The following KMT2B variants were observed in gnomAD, a reference collection of about 807,000 sequenced individuals.
KMT2B encodes the protein histone-lysine N-methyltransferase 2B.
A neutral mutation model predicts 255.3 loss-of-function variants in KMT2B; 22 were observed. The ratio of observed to expected loss-of-function variants is 0.09; its 90% CI spans 0.06 to 0.12. The LOEUF is 0.12. KMT2B is among the 10% of genes least tolerant of loss of function. The pLI is 1.00. For synonymous variants in KMT2B, 1,730 were observed against 1,498.1 expected (o/e 1.15, Z -3.57); for missense variants, 3,149 against 3,737.0 (o/e 0.84, Z 4.10).
In KMT2B at chr19:35,728,132, A is replaced by G. The variant is rs1476300495; in HGVS notation, c.4532A>G (p.His1511Arg). The change falls in exon 19 of 37, where the codon CAC (histidine) becomes CGC (arginine). Residue 1511 changes from histidine to arginine, a missense_variant. His to Arg is a conservative substitution (Grantham distance 29). Around this residue, in one of 18 missense-constraint regions of KMT2B, gnomAD observed 377 missense variants for 471.0 expected, o/e 0.80. Transcript: ENST00000420124. ...TCTGCGTTCGGCTGGTTCGACGCCC[A>G]CGACCCCAAGTACTGGCGACGGAGT... is the stretch of plus-strand genomic sequence containing the variant. ...LESAFGWFDA[H>R]DPKYWRRSTR... 6.2e-7 allele frequency: 1 copy of G among 1,600,876 alleles called. No individual in the cohort carries two copies. The highest frequency in any genetic ancestry group is 8.5e-7 in the Non-Finnish European group (1 of 1,174,328).
chr19:35,722,754 G>A, intron 5 of KMT2B, 36 bp downstream of exon 5: 1 of 1,550,210 alleles, frequency 6.5e-7, no homozygotes, highest in Non-Finnish European at 8.7e-7. Context: ...GTCAGGTTTG[G>A]GGATGACCCC....
In KMT2B at chr19:35,727,878, C is replaced by T. The variant is rs1344690803; in HGVS notation, c.4393-3C>T. 1.9e-6 allele frequency: 3 copies of T among 1,608,978 alleles called. No homozygotes were observed. Among genetic ancestry groups the T allele is most frequent in the Admixed American group, 1.7e-5 (1 of 59,642 alleles). The stretch of plus-strand genomic sequence containing the variant: ...ACTCAGTCTCTGACAAACCCCCTTA[C>T]AGCACAGCTTCATGGAGGACATGGT... On this transcript the variant is annotated splice_polypyrimidine_tract_variant and splice_region_variant and intron_variant, in intron 17 of 36. Coordinates refer to ENST00000420124, the MANE Select transcript of KMT2B (RefSeq NM_014727.3). The surrounding 1 kb of genome is among the most constrained non-coding windows in gnomAD (Gnocchi z 4.2).
chr19:35,721,658 C>T lies in KMT2B; in HGVS notation c.2311C>T (p.Pro771Ser), dbSNP rs531978572. 24 of 1,613,312 alleles carry T rather than the reference C, an allele frequency of 1.5e-5. No homozygotes were observed. The East Asian group carries it at 5.1e-4, about 34-fold the overall frequency. ...ACCGCCGTCACCACAGCAGATGCCTCCCCTGGAAAAAGCCCGGATTGCGGG... is the reference window on the plus strand; with the variant it reads ...ACCGCCGTCACCACAGCAGATGCCTTCCCTGGAAAAAGCCCGGATTGCGGG... Reference protein sequence around the residue: ...QPPPSPQQMPPLEKARIAGVG... With the variant: ...QPPPSPQQMPSLEKARIAGVG... The change falls in exon 3 of 37, where the codon CCC becomes TCC. Residue 771 changes from proline to serine, a missense_variant. Physicochemically the swap from Pro to Ser is moderately conservative, Grantham distance 74. This residue lies in a region of KMT2B where 1,188 missense variants were observed against 1,106.4 expected (regional missense o/e 1.07). Transcript: ENST00000420124.
chr19:35,726,674 C>T (rs1174335066), intron 14 of KMT2B, among the ~76,000 whole-genome samples: 1 of 152,118 alleles, frequency 6.6e-6, no homozygotes, highest in Non-Finnish European at 1.5e-5. Flanking sequence ...CTGTGTTCTG[C>T]AGAGTCTGAA....
chr19:35,724,545 G>GACTAACCAAGTTA, intron 8 of KMT2B, 92 bp from the exon 9 acceptor site: 2 of 1,096,610 alleles, frequency 1.8e-6, no homozygotes, highest in South Asian at 2.7e-5. Flanking sequence ...GTTAGTTAAA[G>GACTAACCAAGTTA]AAGGCCCTGG....
intron 26 of KMT2B, 46 bp from the exon 27 acceptor site, chr19:35,731,862 T>C: frequency 7.0e-7 from 1 of 1,431,910 alleles, no homozygotes; most frequent in Non-Finnish European, 9.8e-7. Flanking sequence ...GGGCAGGCTT[T>C]GACACAGAGC....
In KMT2B at chr19:35,738,440, G is replaced by A. The variant is rs1970006137; in HGVS notation, c.8031G>A (p.Leu2677=). 6.2e-7 allele frequency: 1 copy of A among 1,614,104 alleles called. No homozygotes were observed. Among genetic ancestry groups the A allele is most frequent in the East Asian group, 2.2e-5 (1 of 44,888 alleles). Reference sequence around the variant, plus strand: ...AGAAACACATTGTTATCTTCGCCCTGCGCCGCATCCTGCGTGGTGAGGAGC... The same window carrying A: ...AGAAACACATTGTTATCTTCGCCCTACGCCGCATCCTGCGTGGTGAGGAGC... The part of the protein sequence containing the change: ...EGQKHIVIFA[L]RRILRGEELT... Residue 2677 remains leucine (L), a synonymous_variant, in exon 37 of 37, where the codon CTG becomes CTA. Coordinates refer to ENST00000420124, the MANE Select transcript of KMT2B (RefSeq NM_014727.3). This position sits in a 1 kb window ranked among gnomAD's most constrained non-coding sequence, Gnocchi z 8.7.
chr19:35,725,106 C>T lies in KMT2B; in HGVS notation c.3528+19C>T, dbSNP rs370294360. The T allele has an allele frequency of 8.1e-6, 13 of 1,596,084 alleles. No individual in the cohort carries two copies. Among genetic ancestry groups the T allele is most frequent in the African/African-American group, 6.7e-5 (5 of 74,650 alleles). On this transcript the variant is annotated intron_variant, in intron 10 of 36. Coordinates refer to ENST00000420124, the MANE Select transcript of KMT2B (RefSeq NM_014727.3). This position sits in a 1 kb window ranked among gnomAD's most constrained non-coding sequence, Gnocchi z 4.1. ...TTTTAAGGTATGGCATTGAGTGGGG[C>T]GAGTCACAGAGCCTCTGGTTGGAAG...
chr19:35,732,861 G>T lies in KMT2B; in HGVS notation c.6312G>T (p.Arg2104=), dbSNP rs921251689. The T allele has an allele frequency of 1.2e-6, 2 of 1,609,612 alleles. No homozygotes were observed. Among genetic ancestry groups the T allele is most frequent in the African/African-American group, 1.3e-5 (1 of 74,894 alleles). Reference sequence around the variant, plus strand: ...TTGGGGCTGCAGGGGACAGGGCCCGGCCTCCTGAGGACCTGCCATCGGAAA... The same window carrying T: ...TTGGGGCTGCAGGGGACAGGGCCCGTCCTCCTGAGGACCTGCCATCGGAAA... The part of the protein sequence containing the change: ...GVLGAAGDRA[R]PPEDLPSEIV... The change falls in exon 28 of 37, where the codon CGG becomes CGT. Residue 2104 remains arginine, a synonymous_variant. Coordinates refer to ENST00000420124, the MANE Select transcript of KMT2B (RefSeq NM_014727.3).
chr19:35,721,618 G>A lies in KMT2B; in HGVS notation c.2271G>A (p.Gln757=). The A allele has an allele frequency of 1.2e-6, 2 of 1,612,696 alleles. No homozygotes were observed. The highest frequency in any genetic ancestry group is 1.7e-6 in the Non-Finnish European group (2 of 1,179,696). The change falls in exon 3 of 37, where the codon CAG becomes CAA. Residue 757 remains glutamine, a synonymous_variant. Transcript: ENST00000420124. ...TGCCCCAGGCACTACCGCCACCACA[G>A]CCACAGCTGCAGCCACCGCCGTCAC... The part of the protein sequence containing the change: ...QLLPQALPPP[Q]PQLQPPPSPQ...
chr19:35,738,642 T>C lies in KMT2B; in HGVS notation c.*85T>C. 2 of 1,407,522 alleles carry C rather than the reference T, an allele frequency of 1.4e-6. No individual in the cohort carries two copies. Among genetic ancestry groups the C allele is most frequent in the East Asian group, 4.9e-5 (2 of 40,718 alleles). The allele number at this position is 1,407,522 out of a possible 1,614,324, so 87.2% of individuals were successfully genotyped here. The stretch of plus-strand genomic sequence containing the variant: ...CCTAGCCTGGGGGCTCCCTAGCCCC[T>C]CCCAGAGCATCTCACCCCCACCCTC... On this transcript the variant is annotated 3_prime_UTR_variant, in exon 37 of 37. Coordinates refer to ENST00000420124, the MANE Select transcript of KMT2B (RefSeq NM_014727.3). The surrounding 1 kb of genome is among the most constrained non-coding windows in gnomAD (Gnocchi z 8.7).
rs775306490 is a variant in KMT2B at position 35,721,339 on chromosome 19, G to T, written c.1992G>T (p.Ser664=). Residue 664 remains serine, a synonymous_variant, in exon 3 of 37, where the codon TCG becomes TCT. Transcript: ENST00000420124. ...PSEAHLKIYE[S]VLTPPPLGAP... ...AAGCCCACCTGAAGATCTACGAATC[G>T]GTGCTTACTCCTCCTCCTCTTGGGG... 6 of 1,571,058 alleles carry T rather than the reference G, an allele frequency of 3.8e-6. No individual in the cohort carries two copies. The highest frequency in any genetic ancestry group is 4.3e-6 in the Non-Finnish European group (5 of 1,159,462).
Position 35,733,301 on chromosome 19 carries a change from C to A in KMT2B, c.6752C>A (p.Pro2251His). The change falls in exon 28 of 37, where the codon CCT becomes CAT. Residue 2251 changes from proline to histidine, a missense_variant. This residue lies in a region of KMT2B where 897 missense variants were observed against 825.3 expected (regional missense o/e 1.09). Coordinates refer to ENST00000420124, the MANE Select transcript of KMT2B (RefSeq NM_014727.3). This position sits in a 1 kb window ranked among gnomAD's most constrained non-coding sequence, Gnocchi z 4.3. Reference sequence around the variant, plus strand: ...CTGCCCGTGGTCGGAGTGGTCCGCCCTGCCCCGCCCCCGCCACCCCCTCCC... The same window carrying A: ...CTGCCCGTGGTCGGAGTGGTCCGCCATGCCCCGCCCCCGCCACCCCCTCCC... ...GVLPVVGVVR[P>H]APPPPPPPLT... 1.4e-6 allele frequency: 2 copies of A among 1,453,812 alleles called. No individual in the cohort carries two copies. Among genetic ancestry groups the A allele is most frequent in the Non-Finnish European group, 1.9e-6 (2 of 1,062,354 alleles). The allele number at this position is 1,453,812 out of a possible 1,614,324, so 90.1% of individuals were successfully genotyped here.
At position 35,725,205 on chromosome 19, in the gene KMT2B, C is replaced by T. The variant is rs759457184; in HGVS notation, c.3529-15C>T. On this transcript the variant is annotated splice_polypyrimidine_tract_variant and intron_variant, in intron 10 of 36. Coordinates refer to ENST00000420124, the MANE Select transcript of KMT2B (RefSeq NM_014727.3). This position sits in a 1 kb window ranked among gnomAD's most constrained non-coding sequence, Gnocchi z 4.1. ...GCCTGGCGGCCCTCTGATCCTGCAT[C>T]CTCTCTTCCCCCAGGAGGATTGTGA... The T allele has an allele frequency of 1.7e-5, 27 of 1,609,274 alleles. No individual in the cohort carries two copies. The highest frequency in any genetic ancestry group is 2.2e-5 in the Non-Finnish European group (26 of 1,176,320).
rs769921695 is a variant in KMT2B, at chr19:35,720,684, C to T, written c.1337C>T (p.Pro446Leu). 17 of 1,481,148 alleles carry T rather than the reference C, an allele frequency of 1.1e-5. No individual in the cohort carries two copies. In the Middle Eastern group the frequency reaches 5.4e-4, roughly 47 times the overall value. The allele number at this position is 1,481,148 out of a possible 1,614,324, so 91.8% of individuals were successfully genotyped here. A position where few individuals can be genotyped will look rare whatever the true frequency, so the allele number is the denominator to read the frequency against. ...VSPPPLPSPP[P>L]PPAQEEQEES... Reference sequence around the variant, plus strand: ...CCACCACCTCTACCATCCCCTCCACCGCCTCCTGCCCAAGAGGAGCAGGAG... The same window carrying T: ...CCACCACCTCTACCATCCCCTCCACTGCCTCCTGCCCAAGAGGAGCAGGAG... The change falls in exon 3 of 37, where the codon CCG becomes CTG. Residue 446 changes from proline to leucine, a missense_variant. Physicochemically the swap from Pro to Leu is moderately conservative, Grantham distance 98. Around this residue, in one of 18 missense-constraint regions of KMT2B, gnomAD observed 1,188 missense variants for 1,106.4 expected, o/e 1.07. Transcript: ENST00000420124.
chr19:35,727,791 A>C lies in KMT2B; in HGVS notation c.4392+4A>C. On this transcript the variant is annotated splice_donor_region_variant and intron_variant, in intron 17 of 36. Coordinates refer to ENST00000420124, the MANE Select transcript of KMT2B (RefSeq NM_014727.3). This position sits in a 1 kb window ranked among gnomAD's most constrained non-coding sequence, Gnocchi z 4.2. Reference sequence around the variant, plus strand: ...GGATGGCCACTACAAGTCTGTGGTGAGTGGTACACCAGGAGGAGCAGGTGG... The same window carrying C: ...GGATGGCCACTACAAGTCTGTGGTGCGTGGTACACCAGGAGGAGCAGGTGG... The C allele has an allele frequency of 6.2e-7, 1 of 1,613,628 alleles. No homozygotes were observed. The highest frequency in any genetic ancestry group is 2.2e-5 in the East Asian group (1 of 44,868).
At position 35,718,618 on chromosome 19, in the gene KMT2B, T is replaced by C. The variant is rs1171917770; in HGVS notation, c.363+237T>C. Among the ~76,000 whole-genome samples, 1 of 152,144 alleles carries C rather than the reference T, an allele frequency of 6.6e-6. No homozygotes were observed. Among genetic ancestry groups the C allele is most frequent in the Admixed American group, 6.5e-5 (1 of 15,276 alleles). On this transcript the variant is annotated intron_variant, in intron 1 of 36. Transcript: ENST00000420124. The surrounding 1 kb of genome is among the most constrained non-coding windows in gnomAD (Gnocchi z 5.0). ...GCCCGATGTCGGTCCCGCTGAAGTG[T>C]CTTGGGCCGATCCTTTTCGGCAGCT...
chr19:35,729,133 A>C, intron 21 of KMT2B, 26 bp from the exon 22 acceptor site: 2 of 1,613,880 alleles, frequency 1.2e-6, no homozygotes, highest in Non-Finnish European at 8.5e-7. Flanking sequence ...GCCTCCCCAC[A>C]TCATGCCACT....
chr19:35,729,588 G>A (rs560651010), intron 22 of KMT2B, among the ~76,000 whole-genome samples: 3 of 152,132 alleles, frequency 2.0e-5, no homozygotes, highest in Admixed American at 6.5e-5. Context: ...CTACATCCCC[G>A]TGAGGTTAGA....
Sources: allele counts gnomAD v4.1 joint callset (sites outside exome capture counted in the v4.1 genomes callset), GRCh38; gene constraint gnomAD v4.1.1; regional missense constraint gnomAD v4.1.1; non-coding constraint Gnocchi (gnomAD v3.1); transcripts MANE v1.5; gene names NCBI Gene and HGNC (gene_info 2026-07-23, HGNC 2026-07-21).